XPO4: variants seen among roughly 807,000 people sequenced by gnomAD.
XPO4 encodes the protein exportin 4.
XPO4 carries 39 observed loss-of-function variants against 143.0 expected under a neutral mutation model. That is an observed-to-expected ratio of 0.27 (90% CI 0.21 to 0.36). XPO4 has a LOEUF of 0.36. Ranked by LOEUF, XPO4 falls within the 10% of genes least tolerant of loss-of-function variation. XPO4 has a pLI of 1.00. For missense variants in XPO4, 907 were observed against 1,348.0 expected (o/e 0.67, Z 5.12); for synonymous variants, 439 against 474.0 (o/e 0.93, Z 0.96).
chr13:20,863,121 G>A, intron 2 of XPO4: 2 of 1,121,186 alleles, frequency 1.8e-6, no homozygotes, highest in Admixed American at 4.6e-5. Context: ...AAAGCATGAA[G>A]AACTAAAAAA....
chr13:20,796,830 C>A lies in XPO4; in HGVS notation c.2550G>T (p.Glu850Asp), dbSNP rs772777457. The change falls in exon 17 of 23, where the codon GAG (glutamate) becomes GAT (aspartate). Residue 850 changes from glutamate to aspartate, a missense_variant. Glu to Asp is a conservative substitution (Grantham distance 45). Coordinates refer to ENST00000255305, the MANE Select transcript of XPO4 (RefSeq NM_022459.5). Reference sequence around the variant, plus strand: ...AAACTTCTATAATGAGATTGACAGTCTCTGGGGTATTCTTGTAAACTTCCA... The same window carrying A: ...AAACTTCTATAATGAGATTGACAGTATCTGGGGTATTCTTGTAAACTTCCA... ...GLMEVYKNTPETVNLIIEVFV... is the reference protein window; with the variant it reads ...GLMEVYKNTPDTVNLIIEVFV... The A allele has an allele frequency of 4.3e-6, 7 of 1,614,034 alleles. No individual in the cohort carries two copies. Among genetic ancestry groups the A allele is most frequent in the African/African-American group, 1.3e-5 (1 of 75,040 alleles).
chr13:20,899,203 G>C (rs914757141), intron 1 of XPO4, among the ~76,000 whole-genome samples: 44 of 152,082 alleles, frequency 2.9e-4, no homozygotes, highest in African/African-American at 1.0e-3. Context: ...AGGGACAACT[G>C]TACTACTTTA....
intron 9 of XPO4, among the ~76,000 whole-genome samples, chr13:20,812,533 C>T (rs1230785789): frequency 6.6e-6 from 1 of 151,444 alleles, no homozygotes; most frequent in Non-Finnish European, 1.5e-5. Flanking sequence ...AATTACAAAT[C>T]ATTAAAAAAA....
chr13:20,890,798 C>CAAA lies in XPO4; in HGVS notation c.69+11869_69+11871dup, dbSNP rs60214499. On this transcript the variant is annotated intron_variant, in intron 1 of 22. Coordinates refer to ENST00000255305, the MANE Select transcript of XPO4 (RefSeq NM_022459.5). ...TGGGCAACAGAATGAGACCCTGCCT[C>CAAA]AAAAAAAAAAAAAAAAAAAAAGGAG... Among the ~76,000 whole-genome samples the CAAA allele has an allele frequency of 3.6e-3, 334 of 93,108 alleles. 5 individuals are homozygous for CAAA. The highest frequency in any genetic ancestry group is 7.2e-3 in the South Asian group (19 of 2,652). 61.1% of individuals were successfully genotyped at this position (93,108 alleles called of 152,430 possible).
At chr13:20,796,647 G>T in intron 17 of XPO4, 117 bp downstream of exon 17, 1 of 840,808 alleles carries the variant, frequency 1.2e-6, no homozygotes, top group Non-Finnish European at 1.6e-6. Context: ...AAAATCTTTT[G>T]AAGGAATAAA....
intron 4 of XPO4, chr13:20,848,137 G>T (rs1457091003): frequency 3.7e-5 from 22 of 598,426 alleles, no homozygotes; most frequent in Non-Finnish European, 4.6e-5. Flanking sequence ...ATTCACTGCT[G>T]CTGGCAATTT....
At chr13:20,857,198 C>T (rs907398894) in intron 3 of XPO4, among the ~76,000 whole-genome samples, 5 of 152,188 alleles carry the variant, frequency 3.3e-5, no homozygotes, top group Non-Finnish European at 7.3e-5. Context: ...AGAATAGTTT[C>T]ATAGGCACTG....
chr13:20,840,742 G>A (rs766376144), intron 6 of XPO4, among the ~76,000 whole-genome samples: 1 of 152,138 alleles, frequency 6.6e-6, no homozygotes, highest in Non-Finnish European at 1.5e-5. Context: ...TCACTGCCAA[G>A]TTCTTTCTCC....
At chr13:20,837,568 G>A (rs771515712) in intron 6 of XPO4, among the ~76,000 whole-genome samples, 9 of 152,008 alleles carry the variant, frequency 5.9e-5, no homozygotes, top group Non-Finnish European at 7.4e-5. Flanking sequence ...ACCATGCCTG[G>A]CTAATTTTTT....
Position 20,779,166 on chromosome 13 carries a change from A to AT in XPO4, c.*4555dup, listed in dbSNP as rs1360433726. 6.6e-6 allele frequency: 1 copy of AT among 152,398 alleles called. No homozygotes were observed. The highest frequency in any genetic ancestry group is 1.5e-5 in the Non-Finnish European group (1 of 68,034). The allele number at this position is 152,398 out of a possible 1,614,324, so 9.4% of individuals were successfully genotyped here. A position where few individuals can be genotyped will look rare whatever the true frequency, so the allele number is the denominator to read the frequency against. ...ATTTTAATATTTATAAATTTAAAAA[A>AT]TTTTACACGTGCTGAGTGGTAGCAG... On this transcript the variant is annotated 3_prime_UTR_variant, in exon 23 of 23. Coordinates refer to ENST00000255305, the MANE Select transcript of XPO4 (RefSeq NM_022459.5).
rs555223741 is a variant in XPO4 at position 20,792,570 on chromosome 13, AAAAC to A, written c.2798-1994_2798-1991del. ...GGTGACAGAGCGAGACGCTGTCTCA[AAAAC>A]AAACAAACAAATAAACAAACAAATT... On this transcript the variant is annotated intron_variant, in intron 18 of 22. Coordinates refer to ENST00000255305, the MANE Select transcript of XPO4 (RefSeq NM_022459.5). 3.2e-3 allele frequency among the ~76,000 whole-genome samples: 482 copies of A among 150,808 alleles called. 3 individuals carry two copies. Among genetic ancestry groups the A allele is most frequent in the African/African-American group, 0.011 (456 of 40,274 alleles).
chr13:20,831,713 T>A (rs983909180), intron 6 of XPO4, among the ~76,000 whole-genome samples: 35 of 151,746 alleles, frequency 2.3e-4, no homozygotes, highest in Non-Finnish European at 1.6e-4. Context: ...ACCCTTTATC[T>A]TAAAAAAAAT....
chr13:20,789,072 T>C (rs1274018299), intron 19 of XPO4, among the ~76,000 whole-genome samples: 3 of 152,242 alleles, frequency 2.0e-5, no homozygotes, highest in Admixed American at 6.5e-5. Context: ...CAAAAACATT[T>C]TTCCAGTTGT....
rs1049473796 is a variant in XPO4 at position 20,781,779 on chromosome 13, A to G, written c.*1943T>C. ...CTGTACTTAGCACACACACAGATACACATAATTCACAACAGCTGAGAAAGC... is the reference window on the plus strand; with the variant it reads ...CTGTACTTAGCACACACACAGATACGCATAATTCACAACAGCTGAGAAAGC... On this transcript the variant is annotated 3_prime_UTR_variant, in exon 23 of 23. Transcript: ENST00000255305. 2 of 152,190 alleles carry G rather than the reference A, an allele frequency of 1.3e-5. No homozygotes were observed. Among genetic ancestry groups the G allele is most frequent in the Non-Finnish European group, 2.9e-5 (2 of 68,044 alleles). 9.4% of individuals were successfully genotyped at this position (152,190 alleles called of 1,614,324 possible). A position where few individuals can be genotyped will look rare whatever the true frequency, so the allele number is the denominator to read the frequency against.
chr13:20,879,045 C>G (rs2060381092), intron 1 of XPO4: 1 of 941,124 alleles, frequency 1.1e-6, no homozygotes, highest in Non-Finnish European at 1.3e-6. Flanking sequence ...TCATCAAAAG[C>G]TAAAACAGAA....
rs761780807 is a variant in XPO4, at chr13:20,863,725, T to C, written c.176-867A>G. On this transcript the variant is annotated intron_variant, in intron 2 of 22. Transcript: ENST00000255305. ...CTGAGGCTCTAAAAAATAACCATCA[T>C]GTGAAATCCATGAAAAGCTCATGAT... Among the ~76,000 whole-genome samples the C allele has an allele frequency of 5.9e-5, 9 of 152,156 alleles. No homozygotes were observed. In the East Asian group the frequency reaches 7.7e-4, roughly 13 times the overall value.
At chr13:20,806,538 C>CTTTTT (rs1322850823) in intron 13 of XPO4, among the ~76,000 whole-genome samples, 1 of 115,798 alleles carries the variant, frequency 8.6e-6, no homozygotes, top group African/African-American at 3.3e-5. Flanking sequence ...CTTTCAGGAC[C>CTTTTT]CTTTTTTTTT....
chr13:20,856,180 A>C (rs2060141642), intron 3 of XPO4: 1 of 283,330 alleles, frequency 3.5e-6, no homozygotes, highest in Non-Finnish European at 5.3e-6. Context: ...TTAAGATTCC[A>C]CTAGTCTGGA....
chr13:20,808,067 A>G (rs1313711066), intron 12 of XPO4, among the ~76,000 whole-genome samples: 1 of 152,146 alleles, frequency 6.6e-6, no homozygotes. Context: ...GACTGCCTAG[A>G]TTTACATTCT....
Sources: allele counts gnomAD v4.1 joint callset (sites outside exome capture counted in the v4.1 genomes callset), GRCh38; gene constraint gnomAD v4.1.1; transcripts MANE v1.5; gene names NCBI Gene and HGNC (gene_info 2026-07-23, HGNC 2026-07-21).